PIEZO2: variants seen among roughly 807,000 people sequenced by gnomAD.
PIEZO2 encodes piezo type mechanosensitive ion channel component 2, also known as piezo-type mechanosensitive ion channel component 2.
A neutral mutation model predicts 337.3 loss-of-function variants in PIEZO2; 172 were observed. The observed-to-expected ratio is 0.51, with a 90% CI of 0.45 to 0.58. The LOEUF (loss-of-function observed/expected upper bound fraction) is 0.58, where lower values mean the gene tolerates loss of function less well. Ranked by LOEUF, PIEZO2 falls within the 20% of genes least tolerant of loss-of-function variation. The pLI, the probability that PIEZO2 is intolerant of heterozygous loss-of-function variation, is 0.00. For missense variants in PIEZO2, 3,028 were observed against 3,391.3 expected (o/e 0.89, Z 2.66); for synonymous variants, 1,251 against 1,228.5 (o/e 1.02, Z -0.38).
intron 52 of PIEZO2, among the ~76,000 whole-genome samples, chr18:10,678,133 A>G (rs1184807958): frequency 1.3e-5 from 2 of 152,230 alleles, no homozygotes; most frequent in African/African-American, 4.8e-5. Context: ...GCTGACCAAA[A>G]GAGAACCCAT....
rs2040802295 is a variant in PIEZO2 at position 10,830,149 on chromosome 18, T to C, written c.918-22875A>G. Among the ~76,000 whole-genome samples the C allele has an allele frequency of 2.0e-5, 3 of 152,160 alleles. No homozygotes were observed. The South Asian group carries it at 6.2e-4, about 32-fold the overall frequency. On this transcript the variant is annotated intron_variant, in intron 7 of 55. Transcript: ENST00000674853. This position sits in a 1 kb window ranked among gnomAD's most constrained non-coding sequence, Gnocchi z 4.7. The stretch of plus-strand genomic sequence containing the variant: ...AAGCCAGTAATTCATACATCTACAG[T>C]GAACTTGCTTTTGACAAAGGTGCTA...
intron 16 of PIEZO2, among the ~76,000 whole-genome samples, chr18:10,785,642 T>C (rs1455432026): frequency 6.6e-6 from 1 of 152,162 alleles, no homozygotes; most frequent in Non-Finnish European, 1.5e-5. Context: ...AGACGCCTCC[T>C]GTGTTCTTTT....
chr18:10,705,864 T>G, intron 40 of PIEZO2, 118 bp from the exon 41 acceptor site: 1 of 1,239,050 alleles, frequency 8.1e-7, no homozygotes. Flanking sequence ...TTTTCCCCCC[T>G]GCATTCCATC....
rs554260585 is a variant in PIEZO2, at chr18:11,070,973, G to A, written c.65-4751C>T. Among the ~76,000 whole-genome samples the A allele has an allele frequency of 1.6e-4, 24 of 152,254 alleles. No homozygotes were observed. The highest frequency in any genetic ancestry group is 1.5e-4 in the Non-Finnish European group (10 of 68,024). ...CAGGAGCATAGCACACTCCAGCCAA[G>A]GGTCTGCATTAGAACCCGTGGTGCC... On this transcript the variant is annotated intron_variant, in intron 1 of 55. Transcript: ENST00000674853. The surrounding 1 kb of genome is among the most constrained non-coding windows in gnomAD (Gnocchi z 4.3).
rs2293517 is a variant in PIEZO2, at chr18:10,784,333, C to T, written c.2492+451G>A. ...TAGTCAATTGCAGATTCTGTTTTTT[C>T]AGCCAAAGTTCTTTATTTCCAAAGT... On this transcript the variant is annotated intron_variant, in intron 17 of 55. Transcript: ENST00000674853. The surrounding 1 kb of genome is among the most constrained non-coding windows in gnomAD (Gnocchi z 4.5). 0.85 allele frequency among the ~76,000 whole-genome samples: 128,870 copies of T among 152,204 alleles called. 54,637 individuals are homozygous for T. The highest frequency in any genetic ancestry group is 0.93 in the East Asian group (4,806 of 5,174).
chr18:10,802,168 A>G (rs1207482929), intron 9 of PIEZO2, among the ~76,000 whole-genome samples: 1 of 152,072 alleles, frequency 6.6e-6, no homozygotes, highest in African/African-American at 2.4e-5. Context: ...AGATTTGCAT[A>G]CTGTCTACAA....
In PIEZO2 at chr18:10,953,269, CTCTTA is replaced by C. The variant is rs2033376729; in HGVS notation, c.286+26261_286+26265del. On this transcript the variant is annotated intron_variant, in intron 3 of 55. Coordinates refer to ENST00000674853, the MANE Select transcript of PIEZO2 (RefSeq NM_001378183.1). The surrounding 1 kb of genome is among the most constrained non-coding windows in gnomAD (Gnocchi z 5.2). ...ATGAAGTGTAATTTATCAGTTTTTT[CTCTTA>C]TGAGTTGTGATTTTGATGTTGTATT... 2.0e-5 allele frequency among the ~76,000 whole-genome samples: 3 copies of C among 152,112 alleles called. No homozygotes were observed. The highest frequency in any genetic ancestry group is 7.2e-5 in the African/African-American group (3 of 41,520).
intron 36 of PIEZO2, among the ~76,000 whole-genome samples, chr18:10,723,385 G>A (rs2036402482): frequency 1.3e-5 from 2 of 152,334 alleles, no homozygotes; most frequent in East Asian, 3.9e-4. Flanking sequence ...GCTAATTGGA[G>A]TGGATTTAAG....
rs537989066 is a variant in PIEZO2, at chr18:10,999,682, A to C, written c.161-20022T>G. Among the ~76,000 whole-genome samples, 24 of 152,348 alleles carry C rather than the reference A, an allele frequency of 1.6e-4. 1 individual carries two copies. The South Asian group carries it at 4.6e-3, about 29-fold the overall frequency. Reference sequence around the variant, plus strand: ...TGGAAGCAATCACCCATGAATACTAAGAGACAACTGTACTCTGCAGTTCAT... The same window carrying C: ...TGGAAGCAATCACCCATGAATACTACGAGACAACTGTACTCTGCAGTTCAT... On this transcript the variant is annotated intron_variant, in intron 2 of 55. Transcript: ENST00000674853.
At chr18:11,095,007 G>A (rs1267922779) in intron 1 of PIEZO2, among the ~76,000 whole-genome samples, 2 of 152,212 alleles carry the variant, frequency 1.3e-5, no homozygotes, top group Non-Finnish European at 2.9e-5. Flanking sequence ...GTGTGGGGGT[G>A]GAAGGAGCCT....
intron 36 of PIEZO2, among the ~76,000 whole-genome samples, chr18:10,720,365 G>C (rs1285690609): frequency 5.8e-4 from 1 of 1,722 alleles, no homozygotes; most frequent in Non-Finnish European, 8.5e-4. Context: ...TATATATTCT[G>C]TGTGTGTGTG....
At chr18:10,950,908 A>G (rs1456856292) in intron 3 of PIEZO2, among the ~76,000 whole-genome samples, 3 of 152,198 alleles carry the variant, frequency 2.0e-5, no homozygotes, top group Non-Finnish European at 4.4e-5. Context: ...TCGCTCTGCA[A>G]TTGCCTTAGT....
rs7245272 is a variant in PIEZO2 at position 11,103,290 on chromosome 18, G to A, written c.65-37068C>T. The stretch of plus-strand genomic sequence containing the variant: ...TTTTGACTAAGATTCATGCCCTTTA[G>A]ACAGTTTTAACTGTCAAACAGGTGA... On this transcript the variant is annotated intron_variant, in intron 1 of 55. Coordinates refer to ENST00000674853, the MANE Select transcript of PIEZO2 (RefSeq NM_001378183.1). 8.0e-3 allele frequency among the ~76,000 whole-genome samples: 1,220 copies of A among 152,212 alleles called. 17 individuals are homozygous for A. Among genetic ancestry groups the A allele is most frequent in the African/African-American group, 0.028 (1,144 of 41,500 alleles).
At chr18:10,963,867 A>T (rs1326091913) in intron 3 of PIEZO2, among the ~76,000 whole-genome samples, 5 of 152,208 alleles carry the variant, frequency 3.3e-5, no homozygotes, top group African/African-American at 1.2e-4. Context: ...TTTCAGACTT[A>T]TTCAGAATCT....
At chr18:10,688,405 A>G (rs1307783342) in intron 49 of PIEZO2, among the ~76,000 whole-genome samples, 2 of 152,118 alleles carry the variant, frequency 1.3e-5, no homozygotes, top group Admixed American at 6.5e-5. Flanking sequence ...TGATTTTTAA[A>G]CCACTGTATT....
chr18:10,804,019 C>T (rs1331571981), intron 8 of PIEZO2, 25 bp from the exon 9 acceptor site: 1 of 1,536,592 alleles, frequency 6.5e-7, no homozygotes, highest in African/African-American at 1.4e-5. Flanking sequence ...CAGGATCAGT[C>T]TTGCTTCCTG....
rs1419604262 is a variant in PIEZO2, at chr18:11,104,329, G to A, written c.65-38107C>T. ...GCAGAAAGCTATGCTGTTAGCCCTA[G>A]CCACCCCACCTCAAGCCAGGAGGCT... On this transcript the variant is annotated intron_variant, in intron 1 of 55. Transcript: ENST00000674853. The surrounding 1 kb of genome is among the most constrained non-coding windows in gnomAD (Gnocchi z 4.6). 6.6e-6 allele frequency among the ~76,000 whole-genome samples: 1 copy of A among 152,150 alleles called. No individual in the cohort carries two copies. The highest frequency in any genetic ancestry group is 1.9e-4 in the East Asian group (1 of 5,188).
intron 16 of PIEZO2, among the ~76,000 whole-genome samples, chr18:10,785,388 C>T (rs72976284): frequency 0.3 from 45,284 of 152,108 alleles, 7,834 homozygotes; most frequent in Middle Eastern, 0.41. Flanking sequence ...TGGATTTACA[C>T]ATCATCCTTA....
At chr18:10,699,937 T>C (rs9807708) in intron 43 of PIEZO2, among the ~76,000 whole-genome samples, 35,648 of 152,168 alleles carry the variant, frequency 0.23, 4,263 homozygotes, top group South Asian at 0.28. Context: ...TCCAGGCCAA[T>C]TTGTCAGAAA....
Sources: gnomAD v4.1 joint callset for allele counts (sites outside exome capture counted in the v4.1 genomes callset) on GRCh38, gnomAD v4.1.1 for gene constraint, Gnocchi (gnomAD v3.1) non-coding constraint, MANE v1.5 for transcripts, NCBI Gene and HGNC (gene_info 2026-07-23, HGNC 2026-07-21) for gene names.